The following BNC2 variants were observed in gnomAD, a reference collection of about 807,000 sequenced individuals.
The protein encoded by BNC2 is zinc finger protein basonuclin-2.
In BNC2, 20 loss-of-function variants were observed where a neutral mutation model predicts 76.3. The ratio of observed to expected loss-of-function variants is 0.26; its 90% CI spans 0.18 to 0.38. The LOEUF (loss-of-function observed/expected upper bound fraction) is 0.38, where lower values mean the gene tolerates loss of function less well. BNC2 is among the 10% of genes least tolerant of loss of function. The pLI is 1.00. For missense variants in BNC2, 1,382 were observed against 1,399.8 expected, an observed-to-expected ratio of 0.99 and a Z score of 0.20; for synonymous variants, 582 against 514.8, an observed-to-expected ratio of 1.13 and a Z score of -1.77.
intron 6 of BNC2, chr9:16,430,117 T>C: frequency 2.3e-6 from 1 of 438,864 alleles, no homozygotes; most frequent in South Asian, 1.6e-5. Flanking sequence ...TGTGTTTGCT[T>C]CTGATGGAAA....
At chr9:16,527,991 A>T (rs1303542409) in intron 5 of BNC2, among the ~76,000 whole-genome samples, 2 of 152,210 alleles carry the variant, frequency 1.3e-5, no homozygotes, top group Admixed American at 6.5e-5. Context: ...GAACAGCTTT[A>T]TAATTTTTCC....
intron 4 of BNC2, among the ~76,000 whole-genome samples, chr9:16,566,763 C>T (rs1430862518): frequency 1.3e-5 from 2 of 151,996 alleles, no homozygotes; most frequent in African/African-American, 2.4e-5. Context: ...CCTGGAAAGT[C>T]GTCAGAGAAT....
At chr9:16,748,586 G>A (rs147199134) in intron 1 of BNC2, among the ~76,000 whole-genome samples, 1 of 151,652 alleles carries the variant, frequency 6.6e-6, no homozygotes, top group African/African-American at 2.4e-5. Flanking sequence ...GCTCATGCCT[G>A]TATCCCAGCA....
intron 5 of BNC2, among the ~76,000 whole-genome samples, chr9:16,514,235 T>C (rs1477560630): frequency 1.3e-5 from 2 of 152,232 alleles, no homozygotes; most frequent in South Asian, 2.1e-4. Context: ...CTCCAGACCA[T>C]GCAGCCTGAG....
At chr9:16,426,373 C>T (rs2119237950) in intron 6 of BNC2, among the ~76,000 whole-genome samples, 1 of 149,912 alleles carries the variant, frequency 6.7e-6, no homozygotes, top group Non-Finnish European at 1.5e-5. Flanking sequence ...CTATGTTGGC[C>T]AGGCTGGTCT....
At chr9:16,615,366 T>G (rs1416842650) in intron 3 of BNC2, among the ~76,000 whole-genome samples, 1 of 152,140 alleles carries the variant, frequency 6.6e-6, no homozygotes, top group Non-Finnish European at 1.5e-5. Flanking sequence ...TATTTAAGAT[T>G]AAGAGTTTTG....
At position 16,581,933 on chromosome 9, in the gene BNC2, A is replaced by G. The variant is rs140674593; in HGVS notation, c.433+1050T>C. 5.2e-3 allele frequency among the ~76,000 whole-genome samples: 791 copies of G among 152,258 alleles called. 8 individuals are homozygous for G. The highest frequency in any genetic ancestry group is 0.018 in the African/African-American group (744 of 41,552). On this transcript the variant is annotated intron_variant, in intron 4 of 6. Transcript: ENST00000380672. ...TCTCAGAGTACTCTCTCTCACAGAA[A>G]CATGGCTGAAATGTCCCCGCAACTC... is the stretch of plus-strand genomic sequence containing the variant.
At chr9:16,769,189 T>C (rs1303529947) in intron 1 of BNC2, among the ~76,000 whole-genome samples, 2 of 152,216 alleles carry the variant, frequency 1.3e-5, no homozygotes, top group Non-Finnish European at 2.9e-5. Context: ...TTCAGACATA[T>C]AGCACAAAAC....
rs1433106227 is a variant in BNC2, at chr9:16,409,533, T to A, written c.*9456A>T. ...GACTGATAAATCTTTAATATAAAAATTGTACAAGAATTTTGATACAAATTA... is the reference window on the plus strand; with the variant it reads ...GACTGATAAATCTTTAATATAAAAAATGTACAAGAATTTTGATACAAATTA... On this transcript the variant is annotated 3_prime_UTR_variant, in exon 7 of 7. Coordinates refer to ENST00000380672, the MANE Select transcript of BNC2 (RefSeq NM_017637.6). The A allele has an allele frequency of 6.6e-6, 1 of 152,574 alleles. No individual in the cohort carries two copies. Among genetic ancestry groups the A allele is most frequent in the Non-Finnish European group, 1.5e-5 (1 of 68,032 alleles). The allele number at this position is 152,574 out of a possible 1,614,324, so 9.5% of individuals were successfully genotyped here.
At chr9:16,684,628 A>T (rs1822922417) in intron 3 of BNC2, among the ~76,000 whole-genome samples, 1 of 152,266 alleles carries the variant, frequency 6.6e-6, no homozygotes, top group East Asian at 1.9e-4. Flanking sequence ...TGCTCATCTT[A>T]TAAGCCTGAA....
chr9:16,518,788 A>G (rs946084271), intron 5 of BNC2, among the ~76,000 whole-genome samples: 1 of 152,030 alleles, frequency 6.6e-6, no homozygotes, highest in African/African-American at 2.4e-5. Context: ...TTTGGTAGGG[A>G]CAGGGTTTCA....
chr9:16,420,709 A>G (rs917730981), intron 6 of BNC2, among the ~76,000 whole-genome samples: 5 of 151,436 alleles, frequency 3.3e-5, no homozygotes, highest in Non-Finnish European at 7.4e-5. Context: ...TTTTTTACAT[A>G]TATATATATA....
chr9:16,484,760 T>C (rs780020959), intron 5 of BNC2, among the ~76,000 whole-genome samples: 3 of 152,182 alleles, frequency 2.0e-5, no homozygotes, highest in Non-Finnish European at 4.4e-5. Context: ...CCACGACCTA[T>C]ATGTTCTCAT....
intron 5 of BNC2, among the ~76,000 whole-genome samples, chr9:16,495,240 G>A (rs970744490): frequency 5.3e-5 from 8 of 152,100 alleles, no homozygotes; most frequent in Admixed American, 3.9e-4. Context: ...GGCTTTCTTG[G>A]CCTAACATGA....
At chr9:16,547,845 C>A (rs1399035674) in intron 5 of BNC2, among the ~76,000 whole-genome samples, 1 of 152,152 alleles carries the variant, frequency 6.6e-6, no homozygotes, top group Non-Finnish European at 1.5e-5. Context: ...TACTTCCCTA[C>A]TCTTACAGGC....
intron 3 of BNC2, among the ~76,000 whole-genome samples, chr9:16,684,898 C>T (rs1424462006): frequency 2.7e-5 from 1 of 36,966 alleles, no homozygotes; most frequent in Non-Finnish European, 7.0e-5. Context: ...CCAACAGTTT[C>T]ACCAAAAAAA....
intron 3 of BNC2, among the ~76,000 whole-genome samples, chr9:16,601,245 G>T (rs902173730): frequency 5.3e-5 from 8 of 152,138 alleles, no homozygotes; most frequent in Non-Finnish European, 7.4e-5. Context: ...CAGAATCGGG[G>T]AATCGCAACT....
chr9:16,632,299 G>A (rs1355067078), intron 3 of BNC2, among the ~76,000 whole-genome samples: 1 of 152,008 alleles, frequency 6.6e-6, no homozygotes, highest in Non-Finnish European at 1.5e-5. Context: ...CTCCTCCTCT[G>A]TCCCTCCAGG....
Position 16,590,664 on chromosome 9 carries a change from G to A in BNC2, c.331-7579C>T, listed in dbSNP as rs187711946. Among the ~76,000 whole-genome samples the A allele has an allele frequency of 2.2e-4, 33 of 152,052 alleles. No homozygotes were observed. In the South Asian group the frequency reaches 3.1e-3, roughly 14 times the overall value. ...TCTATAAAAATATGAAAAATTCGCCGGGCGTGGTGGCATGCACCTGTGGTT... is the reference window on the plus strand; with the variant it reads ...TCTATAAAAATATGAAAAATTCGCCAGGCGTGGTGGCATGCACCTGTGGTT... On this transcript the variant is annotated intron_variant, in intron 3 of 6. Transcript: ENST00000380672.
Sources: gnomAD v4.1 joint callset for allele counts (sites outside exome capture counted in the v4.1 genomes callset) on GRCh38, gnomAD v4.1.1 for gene constraint, MANE v1.5 for transcripts, NCBI Gene and HGNC (gene_info 2026-07-23, HGNC 2026-07-21) for gene names.